GNG12: variants seen among roughly 807,000 people sequenced by gnomAD.
GNG12 encodes the protein G protein subunit gamma 12, also known as guanine nucleotide-binding protein G(I)/G(S)/G(O) subunit gamma-12.
For missense variants in GNG12, 69 were observed against 83.8 expected (o/e 0.82, Z 0.69); for synonymous variants, 28 against 29.7 (o/e 0.94, Z 0.19).
chr1:67,718,392 C>G (rs1646338661), intron 2 of GNG12, among the ~76,000 whole-genome samples: 1 of 151,846 alleles, frequency 6.6e-6, no homozygotes, highest in South Asian at 2.1e-4. Flanking sequence ...TTTTATTTAG[C>G]CCAATATGAA....
At chr1:67,815,545 C>T (rs1232460694) in intron 1 of GNG12, among the ~76,000 whole-genome samples, 1 of 152,174 alleles carries the variant, frequency 6.6e-6, no homozygotes. Context: ...TGTGCTGTTA[C>T]CCTGTGGGTT....
intron 1 of GNG12, among the ~76,000 whole-genome samples, chr1:67,798,297 A>C (rs1422632896): frequency 2.0e-5 from 3 of 152,136 alleles, no homozygotes; most frequent in African/African-American, 7.2e-5. Context: ...CGCAGAATCT[A>C]GGTTGTACAC....
chr1:67,715,987 C>T (rs556115460), intron 2 of GNG12, among the ~76,000 whole-genome samples: 2 of 152,256 alleles, frequency 1.3e-5, no homozygotes, highest in Admixed American at 1.3e-4. Context: ...GGTTATGAGG[C>T]CAGGGTGCTT....
At chr1:67,805,000 GGAA>G (rs1646886947) in intron 1 of GNG12, among the ~76,000 whole-genome samples, 1 of 152,172 alleles carries the variant, frequency 6.6e-6, no homozygotes, top group Non-Finnish European at 1.5e-5. Context: ...TGCCCTCAGA[GGAA>G]ACTATTTTTC....
At chr1:67,730,373 C>T (rs1302759636) in intron 2 of GNG12, among the ~76,000 whole-genome samples, 2 of 152,092 alleles carry the variant, frequency 1.3e-5, no homozygotes. Context: ...TGGTGGTGCA[C>T]ATCTGTAGTT....
At chr1:67,802,639 T>C (rs74081823) in intron 1 of GNG12, among the ~76,000 whole-genome samples, 1,636 of 152,268 alleles carry the variant, frequency 0.011, 35 homozygotes, top group African/African-American at 0.037. Context: ...TCTCTCACCA[T>C]CCCGAGGCAG....
At chr1:67,778,069 AGATT>A (rs1646716597) in intron 1 of GNG12, among the ~76,000 whole-genome samples, 1 of 149,520 alleles carries the variant, frequency 6.7e-6, no homozygotes, top group Admixed American at 6.7e-5. Context: ...ATTTAATAAT[AGATT>A]AACAATATAT....
chr1:67,716,990 C>T (rs1382710059), intron 2 of GNG12, among the ~76,000 whole-genome samples: 1 of 152,170 alleles, frequency 6.6e-6, no homozygotes, highest in African/African-American at 2.4e-5. Context: ...GCTGCAGAGC[C>T]TGGGCAGCGA....
At chr1:67,763,291 G>A (rs1646617205) in intron 2 of GNG12, among the ~76,000 whole-genome samples, 2 of 152,120 alleles carry the variant, frequency 1.3e-5, no homozygotes, top group South Asian at 4.1e-4. Flanking sequence ...TCCCAATAAT[G>A]TCCTTTACAG....
intron 1 of GNG12, among the ~76,000 whole-genome samples, chr1:67,799,592 T>C (rs1646852777): frequency 1.3e-5 from 2 of 152,198 alleles, no homozygotes; most frequent in Admixed American, 6.5e-5. Context: ...GATAGTTCTA[T>C]TATAGTACTT....
intron 2 of GNG12, among the ~76,000 whole-genome samples, chr1:67,748,350 A>G (rs1256869270): frequency 1.3e-5 from 2 of 152,220 alleles, no homozygotes; most frequent in Non-Finnish European, 1.5e-5. Context: ...CAGATACAAA[A>G]ATCAGAGTAG....
chr1:67,764,048 C>CT (rs1165030346), intron 2 of GNG12, among the ~76,000 whole-genome samples: 2 of 152,140 alleles, frequency 1.3e-5, no homozygotes, highest in East Asian at 3.9e-4. Flanking sequence ...TGTTTGTTTG[C>CT]TTTCTCATTC....
At chr1:67,785,887 G>A (rs1646764973) in intron 1 of GNG12, among the ~76,000 whole-genome samples, 1 of 152,000 alleles carries the variant, frequency 6.6e-6, no homozygotes, top group Admixed American at 6.6e-5. Context: ...GCTTTTATTT[G>A]CAAATTCAGA....
At chr1:67,754,398 G>A (rs1381017723) in intron 2 of GNG12, among the ~76,000 whole-genome samples, 3 of 152,114 alleles carry the variant, frequency 2.0e-5, no homozygotes, top group East Asian at 1.9e-4. Context: ...CCCCAGAGTC[G>A]TTCTGGACTC....
intron 2 of GNG12, among the ~76,000 whole-genome samples, chr1:67,743,325 T>G (rs961490150): frequency 1.1e-4 from 17 of 152,242 alleles, no homozygotes; most frequent in Non-Finnish European, 2.9e-5. Flanking sequence ...TTCATGCTAC[T>G]GTCAGCTGGG....
At chr1:67,830,024 G>C (rs1365440456) in intron 1 of GNG12, among the ~76,000 whole-genome samples, 1 of 116,664 alleles carries the variant, frequency 8.6e-6, no homozygotes, top group African/African-American at 3.3e-5. Flanking sequence ...TTTTTTTTGA[G>C]ACAGAGTTTT....
chr1:67,817,809 C>A (rs2492874), intron 1 of GNG12, among the ~76,000 whole-genome samples: 96,289 of 128,530 alleles, frequency 0.75, 34,912 homozygotes, highest in Middle Eastern at 0.82. Context: ...TTTTTTTTTG[C>A]GATGTCTCAT....
At chr1:67,789,101 A>C (rs1310961625) in intron 1 of GNG12, among the ~76,000 whole-genome samples, 3 of 152,232 alleles carry the variant, frequency 2.0e-5, no homozygotes, top group Non-Finnish European at 4.4e-5. Context: ...CTTTCCTTAC[A>C]AGGGTGGTAA....
chr1:67,786,716 G>A (rs1646769435), intron 1 of GNG12, among the ~76,000 whole-genome samples: 1 of 152,002 alleles, frequency 6.6e-6, no homozygotes. Context: ...GAGGTCAGGG[G>A]TTCGAGACCA....
Sources: allele counts gnomAD v4.1 joint callset (sites outside exome capture counted in the v4.1 genomes callset), GRCh38; gene constraint gnomAD v4.1.1; transcripts MANE v1.5; gene names NCBI Gene and HGNC (gene_info 2026-07-23, HGNC 2026-07-21).